NRG1: variants seen among roughly 807,000 people sequenced by gnomAD.
The protein encoded by NRG1 is pro-neuregulin-1, membrane-bound isoform.
Under a neutral mutation model 63.8 loss-of-function variants are expected in NRG1, and 18 were observed. That is an observed-to-expected ratio of 0.28 (90% CI 0.19 to 0.42). NRG1 has a LOEUF of 0.42. NRG1 is among the 10% of genes least tolerant of loss of function. NRG1 has a pLI of 1.00. For missense variants in NRG1, 762 were observed against 814.7 expected, an observed-to-expected ratio of 0.94 and a Z score of 0.79; for synonymous variants, 302 against 301.3, an observed-to-expected ratio of 1.00 and a Z score of -0.02.
chr8:32,690,420 C>G (rs1386650880), intron 5 of NRG1, among the ~76,000 whole-genome samples: 5 of 152,092 alleles, frequency 3.3e-5, no homozygotes, highest in African/African-American at 1.2e-4. Flanking sequence ...AGCAGACCTA[C>G]TGTATTGCAA....
intron 1 of NRG1, among the ~76,000 whole-genome samples, chr8:32,226,782 G>A (rs1258142806): frequency 1.3e-5 from 2 of 152,112 alleles, no homozygotes; most frequent in African/African-American, 4.8e-5. Context: ...TCATCTGGCT[G>A]CACTGTATGG....
chr8:31,835,331 C>T (rs548794381), intron 1 of NRG1, among the ~76,000 whole-genome samples: 1 of 152,268 alleles, frequency 6.6e-6, no homozygotes, highest in African/African-American at 2.4e-5. Flanking sequence ...AGAACATGGC[C>T]TCTAGAATCT....
Position 32,048,442 on chromosome 8 carries a change from C to CATAT in NRG1, c.37+409014_37+409015insTATA, listed in dbSNP as rs746098368. 3.9e-4 allele frequency among the ~76,000 whole-genome samples: 52 copies of CATAT among 134,768 alleles called. 2 individuals carry two copies. The highest frequency in any genetic ancestry group is 1.2e-3 in the African/African-American group (41 of 34,584). The allele number at this position is 134,768 out of a possible 152,430, so 88.4% of individuals were successfully genotyped here. ...GTACATGCATATGTACACATATATACATACATATATATATATATATATATA... is the reference window on the plus strand; with the variant it reads ...GTACATGCATATGTACACATATATACATATATACATATATATATATATATATATA... On this transcript the variant is annotated intron_variant, in intron 1 of 10. Coordinates refer to the NRG1 transcript ENST00000519301.
In NRG1 at chr8:31,744,390, C is replaced by T. The variant is rs186137945; in HGVS notation, c.37+104959C>T. Among the ~76,000 whole-genome samples, 49 of 152,130 alleles carry T rather than the reference C, an allele frequency of 3.2e-4. 1 individual carries two copies. Among genetic ancestry groups the T allele is most frequent in the African/African-American group, 1.0e-3 (43 of 41,546 alleles). On this transcript the variant is annotated intron_variant, in intron 1 of 10. Transcript: ENST00000519301. ...AAGCACTTTGTGGAACTTATTTCTT[C>T]CTTTAAAATGTCCTAGACACCTTAT...
intron 5 of NRG1, among the ~76,000 whole-genome samples, chr8:32,698,626 CTG>C (rs1262285452): frequency 1.3e-5 from 2 of 152,178 alleles, no homozygotes; most frequent in Non-Finnish European, 2.9e-5. Flanking sequence ...AGCCGGGGAA[CTG>C]TACAAGGGAG....
At chr8:31,750,613 A>C (rs934696008) in intron 1 of NRG1, among the ~76,000 whole-genome samples, 4 of 152,104 alleles carry the variant, frequency 2.6e-5, no homozygotes, top group Non-Finnish European at 5.9e-5. Flanking sequence ...CCTGTAAGTA[A>C]ACTGACAGTT....
intron 1 of NRG1, among the ~76,000 whole-genome samples, chr8:31,898,702 T>C (rs937960691): frequency 3.3e-5 from 5 of 152,124 alleles, no homozygotes; most frequent in Non-Finnish European, 7.4e-5. Flanking sequence ...AAAATCTGTC[T>C]CAAAAATAAA....
chr8:32,655,949 T>C (rs1269369981), intron 5 of NRG1, among the ~76,000 whole-genome samples: 1 of 152,138 alleles, frequency 6.6e-6, no homozygotes, highest in East Asian at 1.9e-4. Flanking sequence ...ATCCTAAGAT[T>C]ATGTTCACCT....
intron 1 of NRG1, among the ~76,000 whole-genome samples, chr8:31,837,049 G>C (rs1302599605): frequency 6.6e-6 from 1 of 151,948 alleles, no homozygotes; most frequent in Admixed American, 6.6e-5. Flanking sequence ...ATATATGTAA[G>C]GGCCATTTGT....
At chr8:32,198,720 T>C (rs1843206617) in intron 1 of NRG1, among the ~76,000 whole-genome samples, 1 of 152,218 alleles carries the variant, frequency 6.6e-6, no homozygotes, top group Non-Finnish European at 1.5e-5. Flanking sequence ...TCCAAAGCTC[T>C]AATCAATTAA....
chr8:31,655,745 C>T (rs1324879730), intron 1 of NRG1, among the ~76,000 whole-genome samples: 57 of 152,302 alleles, frequency 3.7e-4, no homozygotes, highest in African/African-American at 2.4e-5. Flanking sequence ...TGAGGTGGGG[C>T]CCCAGTTGAG....
chr8:31,979,848 A>G (rs1052942772), intron 1 of NRG1, among the ~76,000 whole-genome samples: 2 of 152,112 alleles, frequency 1.3e-5, no homozygotes, highest in African/African-American at 2.4e-5. Context: ...TGTTCAATGA[A>G]GCATTCTATT....
At chr8:32,739,458 T>G (rs933196888) in intron 6 of NRG1, among the ~76,000 whole-genome samples, 3 of 152,196 alleles carry the variant, frequency 2.0e-5, no homozygotes, top group African/African-American at 7.2e-5. Context: ...GAGAGGTAGC[T>G]GCTATTTCCA....
intron 1 of NRG1, among the ~76,000 whole-genome samples, chr8:32,452,462 A>G (rs1408740451): frequency 6.6e-6 from 1 of 152,198 alleles, no homozygotes; most frequent in Non-Finnish European, 1.5e-5. Flanking sequence ...GAGGCATGGA[A>G]GGGAATTTCT....
At chr8:31,998,529 T>C (rs1343846515) in intron 1 of NRG1, among the ~76,000 whole-genome samples, 4 of 151,976 alleles carry the variant, frequency 2.6e-5, no homozygotes, top group African/African-American at 9.7e-5. Flanking sequence ...AAAAGACAAA[T>C]TGTAGTGCAT....
intron 1 of NRG1, among the ~76,000 whole-genome samples, chr8:31,832,086 C>G (rs1025608602): frequency 6.6e-6 from 1 of 152,096 alleles, no homozygotes; most frequent in Non-Finnish European, 1.5e-5. Context: ...ATCCAAGAGT[C>G]AGGAACACAG....
intron 1 of NRG1, among the ~76,000 whole-genome samples, chr8:31,743,283 C>T (rs1815487084): frequency 6.6e-6 from 1 of 151,984 alleles, no homozygotes; most frequent in African/African-American, 2.4e-5. Flanking sequence ...GGGTCTTTTC[C>T]TAGCAGTTCT....
intron 1 of NRG1, among the ~76,000 whole-genome samples, chr8:31,918,043 C>T (rs1439125123): frequency 6.6e-6 from 1 of 152,100 alleles, no homozygotes; most frequent in Non-Finnish European, 1.5e-5. Context: ...GATTTTTGTA[C>T]ATTGATTTTG....
intron 1 of NRG1, among the ~76,000 whole-genome samples, chr8:31,825,313 G>A (rs530686008): frequency 2.6e-5 from 4 of 152,060 alleles, no homozygotes; most frequent in South Asian, 2.1e-4. Flanking sequence ...GCATGAACCC[G>A]GGAGGCGCAG....
Sources: allele counts gnomAD v4.1 joint callset (sites outside exome capture counted in the v4.1 genomes callset), GRCh38; gene constraint gnomAD v4.1.1; transcripts MANE v1.5; gene names NCBI Gene and HGNC (gene_info 2026-07-23, HGNC 2026-07-21).